NLRC3: variants seen among roughly 807,000 people sequenced by gnomAD.
NLRC3 encodes the protein NLR family CARD domain-containing protein 3.
In NLRC3, 87 loss-of-function variants were observed where a neutral mutation model predicts 91.6. The observed-to-expected ratio is 0.95, with a 90% CI of 0.80 to 1.14. The LOEUF (loss-of-function observed/expected upper bound fraction) is 1.14. Among genes scored for constraint, NLRC3 ranks in the 50% most tolerant of loss-of-function variants. The pLI is 0.00. For synonymous variants in NLRC3, 694 were observed against 625.3 expected (o/e 1.11, Z -1.64); for missense variants, 1,577 against 1,418.6 (o/e 1.11, Z -1.79).
intron 6 of NLRC3, among the ~76,000 whole-genome samples, chr16:3,558,871 C>G (rs2039477925): frequency 6.6e-6 from 1 of 152,112 alleles, no homozygotes; most frequent in South Asian, 2.1e-4. Flanking sequence ...CTCTCGAGCT[C>G]AAGAATCCTC....
At chr16:3,555,325 A>G (rs1051458376) in intron 8 of NLRC3, among the ~76,000 whole-genome samples, 2 of 152,182 alleles carry the variant, frequency 1.3e-5, no homozygotes, top group African/African-American at 4.8e-5. Flanking sequence ...CTCAATGAGG[A>G]AAGCCGCACA....
chr16:3,572,082 CAAT>C (rs1235042451), intron 1 of NLRC3, among the ~76,000 whole-genome samples: 9 of 151,668 alleles, frequency 5.9e-5, no homozygotes, highest in Admixed American at 2.0e-4. Context: ...ACTTATAAAT[CAAT>C]AATAAGTAAC....
At chr16:3,545,986 C>T (rs2038670535) in intron 15 of NLRC3, among the ~76,000 whole-genome samples, 1 of 152,112 alleles carries the variant, frequency 6.6e-6, no homozygotes, top group African/African-American at 2.4e-5. Flanking sequence ...TGGAGGCTAC[C>T]ACAGGGATGG....
At chr16:3,561,445 T>C (rs1409090770) in intron 6 of NLRC3, among the ~76,000 whole-genome samples, 1 of 152,192 alleles carries the variant, frequency 6.6e-6, no homozygotes, top group Admixed American at 6.5e-5. Flanking sequence ...GCACACGTAG[T>C]GCTGTGGAAA....
At chr16:3,562,347 CAAGAA>C (rs1442034696) in intron 5 of NLRC3, among the ~76,000 whole-genome samples, 1 of 152,078 alleles carries the variant, frequency 6.6e-6, no homozygotes, top group Non-Finnish European at 1.5e-5. Context: ...CTTTTTAAGA[CAAGAA>C]AGCACTGGCC....
At chr16:3,560,089 G>A (rs1266165352) in intron 6 of NLRC3, among the ~76,000 whole-genome samples, 1 of 152,098 alleles carries the variant, frequency 6.6e-6, no homozygotes, top group Non-Finnish European at 1.5e-5. Flanking sequence ...CTCAGATAAA[G>A]ATTACTTCAG....
At chr16:3,557,740 A>C (rs2039413201) in intron 6 of NLRC3, 64 bp from the exon 7 acceptor site, 10 of 1,017,020 alleles carry the variant, frequency 9.8e-6, no homozygotes, top group African/African-American at 1.6e-5. Context: ...CTCTTCCTCA[A>C]CGCTGTGCCC....
intron 1 of NLRC3, among the ~76,000 whole-genome samples, chr16:3,571,668 G>A (rs562802527): frequency 7.9e-5 from 12 of 151,852 alleles, no homozygotes; most frequent in African/African-American, 9.6e-5. Context: ...TTTGCCAGGC[G>A]TGGTGGCTCA....
At chr16:3,565,962 C>A (rs569817118) in intron 2 of NLRC3, among the ~76,000 whole-genome samples, 1 of 151,798 alleles carries the variant, frequency 6.6e-6, no homozygotes, top group Non-Finnish European at 1.5e-5. Context: ...ATCGCTTGAG[C>A]CCAGGAGGTC....
Position 3,548,688 on chromosome 16 carries a change from C to A in NLRC3, c.2669G>T (p.Arg890Leu). 6.3e-7 allele frequency: 1 copy of A among 1,592,598 alleles called. No individual in the cohort carries two copies. Among genetic ancestry groups the A allele is most frequent in the Non-Finnish European group, 8.6e-7 (1 of 1,169,348 alleles). The part of the protein sequence containing the change: ...RAIAVAVREN[R>L]TLTSLHLQWN... ...GACTCACTGAAGGGAGGTGAGGGTG[C>A]GGTTTTCTCTCACTGCCACTGCGAT... Residue 890 changes from arginine to leucine, a missense_variant, in exon 14 of 20, where the codon CGC becomes CTC. Arg to Leu is a moderately radical substitution (Grantham distance 102, BLOSUM62 -2). Coordinates refer to ENST00000359128, the MANE Select transcript of NLRC3 (RefSeq NM_178844.4).
intron 1 of NLRC3, among the ~76,000 whole-genome samples, chr16:3,569,401 T>TA (rs1567154025): frequency 1.8e-4 from 18 of 100,026 alleles, no homozygotes; most frequent in East Asian, 1.4e-3. Context: ...TATATTATTT[T>TA]TTTTTTTTTT....
chr16:3,559,695 G>A (rs1212522397), intron 6 of NLRC3, among the ~76,000 whole-genome samples: 1 of 146,766 alleles, frequency 6.8e-6, no homozygotes, highest in African/African-American at 2.5e-5. Context: ...CTGGAGTGCA[G>A]TGGCGCAATC....
rs928690135 is a variant in NLRC3, at chr16:3,557,000, G to A, written c.2100-6C>T. The A allele has an allele frequency of 1.4e-5, 23 of 1,607,586 alleles. No individual in the cohort carries two copies. Among genetic ancestry groups the A allele is most frequent in the Non-Finnish European group, 1.6e-5 (19 of 1,174,168 alleles). ...CAATGGAGTTACCGCGGAGGCTGAAGGAAGAGAGAAAGAGACACCTCCTTC... is the reference window on the plus strand; with the variant it reads ...CAATGGAGTTACCGCGGAGGCTGAAAGAAGAGAGAAAGAGACACCTCCTTC... On this transcript the variant is annotated splice_polypyrimidine_tract_variant and splice_region_variant and intron_variant, in intron 7 of 19. Transcript: ENST00000359128.
intron 6 of NLRC3, among the ~76,000 whole-genome samples, chr16:3,559,958 G>A (rs754763893): frequency 6.6e-6 from 1 of 151,990 alleles, no homozygotes; most frequent in Non-Finnish European, 1.5e-5. Flanking sequence ...ATCCTTTTAA[G>A]CCCATTTTTA....
intron 16 of NLRC3, 75 bp downstream of exon 16, chr16:3,544,171 A>T: frequency 1.1e-6 from 1 of 902,702 alleles, no homozygotes; most frequent in Non-Finnish European, 1.7e-6. Flanking sequence ...GGAAAAAAAA[A>T]AAAAAAAAGA....
At chr16:3,543,382 T>C in intron 17 of NLRC3, 43 bp downstream of exon 17, 1 of 1,355,350 alleles carries the variant, frequency 7.4e-7, no homozygotes, top group Non-Finnish European at 1.0e-6. Context: ...AATTCATTGA[T>C]TTCTTTGGGC....
At chr16:3,569,653 C>T (rs996346678) in intron 1 of NLRC3, among the ~76,000 whole-genome samples, 2 of 151,872 alleles carry the variant, frequency 1.3e-5, no homozygotes, top group African/African-American at 4.8e-5. Flanking sequence ...CCGTTTTGGC[C>T]TCCCAAAGTG....
At chr16:3,552,102 C>A in intron 10 of NLRC3, 94 bp downstream of exon 10, 1 of 765,544 alleles carries the variant, frequency 1.3e-6, no homozygotes, top group South Asian at 1.5e-5. Context: ...TCCATCAATC[C>A]ATCCATCCAT....
At position 3,565,006 on chromosome 16, in the gene NLRC3, C is replaced by T. The variant is rs995017978; in HGVS notation, c.31G>A (p.Glu11Lys). The change falls in exon 4 of 20, where the codon GAG (glutamate) becomes AAG (lysine). Residue 11 changes from glutamate (E) to lysine (K), a missense_variant. By Grantham distance (56) the Glu-to-Lys change is moderately conservative. Transcript: ENST00000359128. MRKQEVRTGR[E>K]AGQGHGTGSP... ...CCCGTACCGTGGCCCTGGCCGGCCT[C>T]CCTGCCCGTCCGCACCTCTTGCTTC... is the stretch of plus-strand genomic sequence containing the variant. The T allele has an allele frequency of 6.2e-6, 10 of 1,610,112 alleles. No homozygotes were observed. In the Admixed American group the frequency reaches 8.3e-5, roughly 13 times the overall value.
Sources: allele counts gnomAD v4.1 joint callset (sites outside exome capture counted in the v4.1 genomes callset), GRCh38; gene constraint gnomAD v4.1.1; transcripts MANE v1.5; gene names NCBI Gene and HGNC (gene_info 2026-07-23, HGNC 2026-07-21).